Variants in DOCK8 observed in about 807,000 individuals in gnomAD.
The protein encoded by DOCK8 is dedicator of cytokinesis protein 8.
A neutral mutation model predicts 245.6 loss-of-function variants in DOCK8; 141 were observed. That is an observed-to-expected ratio of 0.57 (90% CI 0.50 to 0.66). The LOEUF (loss-of-function observed/expected upper bound fraction) is 0.66, where lower values mean the gene tolerates loss of function less well. Among genes scored for constraint, DOCK8 ranks in the 30% least tolerant of loss-of-function variants. The probability of loss-of-function intolerance (pLI) is 0.00; values close to 1 mark genes in which losing one functional copy is unlikely to be tolerated. For missense variants in DOCK8, 2,965 were observed against 2,603.4 expected (o/e 1.14, Z -3.02); for synonymous variants, 1,168 against 970.2 (o/e 1.20, Z -3.79).
chr9:426,470 A>ACT (rs1054401839), intron 33 of DOCK8, among the ~76,000 whole-genome samples: 1 of 151,714 alleles, frequency 6.6e-6, no homozygotes, highest in Non-Finnish European at 1.5e-5. Flanking sequence ...ATCCAGTCTC[A>ACT]CTCTCTCTCG....
chr9:402,039 T>C (rs1323794213), intron 26 of DOCK8, among the ~76,000 whole-genome samples: 3 of 152,120 alleles, frequency 2.0e-5, no homozygotes, highest in Non-Finnish European at 4.4e-5. Context: ...GGTTAGTCTG[T>C]TTTCAAAACT....
At chr9:233,308 T>TC (rs1464102551) in intron 1 of DOCK8, among the ~76,000 whole-genome samples, 9 of 152,126 alleles carry the variant, frequency 5.9e-5, no homozygotes, top group Admixed American at 2.0e-4. Flanking sequence ...AGGAGTGCTT[T>TC]ACTGCCAACT....
At chr9:365,230 T>A (rs2052925561) in intron 14 of DOCK8, among the ~76,000 whole-genome samples, 1 of 152,192 alleles carries the variant, frequency 6.6e-6, no homozygotes, top group Admixed American at 6.5e-5. Flanking sequence ...AGTGTAGAAG[T>A]CAAGATCTAT....
intron 26 of DOCK8, among the ~76,000 whole-genome samples, chr9:404,112 A>T (rs80165771): frequency 0.045 from 6,776 of 151,146 alleles, 323 homozygotes; most frequent in African/African-American, 0.12. Context: ...GGTGATAATG[A>T]TGAAATATTG....
intron 1 of DOCK8, among the ~76,000 whole-genome samples, chr9:218,297 T>G (rs2046807977): frequency 6.6e-6 from 1 of 152,226 alleles, no homozygotes; most frequent in South Asian, 2.1e-4. Flanking sequence ...TAATGAAGTA[T>G]TCAAATCTGA....
chr9:290,452 A>T (rs978687815), intron 4 of DOCK8, among the ~76,000 whole-genome samples: 2 of 152,156 alleles, frequency 1.3e-5, no homozygotes, highest in Non-Finnish European at 2.9e-5. Flanking sequence ...AAATTAAGTG[A>T]ATTGAAACCT....
At chr9:365,517 G>C in intron 14 of DOCK8, 1 of 437,716 alleles carries the variant, frequency 2.3e-6, no homozygotes, top group Non-Finnish European at 4.5e-6. Flanking sequence ...TTCTATTATA[G>C]TAATGATAAT....
intron 22 of DOCK8, among the ~76,000 whole-genome samples, chr9:384,723 T>C (rs911501736): frequency 5.3e-5 from 8 of 152,264 alleles, no homozygotes; most frequent in South Asian, 2.1e-4. Context: ...GAGACCATCC[T>C]GGCTAACACG....
intron 4 of DOCK8, among the ~76,000 whole-genome samples, chr9:296,759 C>T (rs898067301): frequency 5.3e-5 from 8 of 152,260 alleles, no homozygotes; most frequent in Non-Finnish European, 7.3e-5. Flanking sequence ...AAAGCACGCC[C>T]GGCTCATCAG....
At chr9:223,072 T>G (rs2046919665) in intron 1 of DOCK8, among the ~76,000 whole-genome samples, 3 of 152,280 alleles carry the variant, frequency 2.0e-5, no homozygotes, top group African/African-American at 7.2e-5. Flanking sequence ...AGAATTGGTT[T>G]CTGGGGCTAA....
intron 1 of DOCK8, among the ~76,000 whole-genome samples, chr9:226,488 G>A (rs965368768): frequency 6.6e-6 from 1 of 152,144 alleles, no homozygotes; most frequent in African/African-American, 2.4e-5. Flanking sequence ...CAGCTGGGAG[G>A]CAGTGGAGAA....
chr9:326,100 T>A (rs1237473540), intron 8 of DOCK8, among the ~76,000 whole-genome samples: 2 of 152,214 alleles, frequency 1.3e-5, no homozygotes, highest in Non-Finnish European at 2.9e-5. Context: ...TGAAATAGGC[T>A]CATGACTGAA....
intron 1 of DOCK8, among the ~76,000 whole-genome samples, chr9:233,073 TC>T (rs1271986935): frequency 1.3e-5 from 2 of 152,236 alleles, no homozygotes; most frequent in Non-Finnish European, 2.9e-5. Context: ...TTTGAATGTG[TC>T]CCAGAGATTC....
intron 26 of DOCK8, among the ~76,000 whole-genome samples, chr9:400,743 G>A (rs961587074): frequency 2.8e-3 from 6 of 2,120 alleles, no homozygotes; most frequent in African/African-American, 5.9e-3. Context: ...ACCACCACCA[G>A]CATCTTCACC....
At chr9:277,967 C>T (rs2048424006) in intron 2 of DOCK8, among the ~76,000 whole-genome samples, 2 of 152,280 alleles carry the variant, frequency 1.3e-5, no homozygotes, top group East Asian at 3.9e-4. Context: ...TAAATATGGT[C>T]CTCTTTTATT....
rs1477596217 is a variant in DOCK8 at position 312,258 on chromosome 9, C to T, written c.741+92C>T. ...GTTGTTCATTATTACTATATAGCAG[C>T]CCATGGTGTCAGGGCTCACTTGTAT... On this transcript the variant is annotated intron_variant, in intron 6 of 47. Transcript: ENST00000432829. 7.6e-6 allele frequency: 11 copies of T among 1,443,934 alleles called. No individual in the cohort carries two copies. The East Asian group carries it at 1.7e-4, about 22-fold the overall frequency. 89.4% of individuals were successfully genotyped at this position (1,443,934 alleles called of 1,614,324 possible).
intron 1 of DOCK8, among the ~76,000 whole-genome samples, chr9:227,630 C>T (rs115690825): frequency 1.3e-5 from 2 of 152,154 alleles, no homozygotes; most frequent in African/African-American, 2.4e-5. Context: ...CCCACCCTAA[C>T]ACAGATGAAC....
intron 1 of DOCK8, among the ~76,000 whole-genome samples, chr9:230,919 G>C (rs899280839): frequency 6.6e-6 from 1 of 151,990 alleles, no homozygotes; most frequent in African/African-American, 2.4e-5. Context: ...GATCCCATTT[G>C]TCAATTGTGG....
intron 10 of DOCK8, 105 bp from the exon 11 acceptor site, chr9:334,120 A>T: frequency 6.3e-6 from 8 of 1,263,146 alleles, no homozygotes; most frequent in Non-Finnish European, 9.1e-6. Context: ...TACTCTTTTT[A>T]ATCAGTAGGG....
Sources: allele counts gnomAD v4.1 joint callset (sites outside exome capture counted in the v4.1 genomes callset), GRCh38; gene constraint gnomAD v4.1.1; transcripts MANE v1.5; gene names NCBI Gene and HGNC (gene_info 2026-07-23, HGNC 2026-07-21).